Variants in CFAP47 observed in about 807,000 individuals in gnomAD.
CFAP47 encodes the protein cilia and flagella associated protein 47.
In CFAP47, 29 loss-of-function variants were observed where a neutral mutation model predicts 148.1. That is an observed-to-expected ratio of 0.20 (90% CI 0.15 to 0.27). The LOEUF (loss-of-function observed/expected upper bound fraction) is 0.27. CFAP47 is among the 10% of genes least tolerant of loss of function. CFAP47 has a pLI of 1.00. For missense variants in CFAP47, 1,872 were observed against 1,697.5 expected, an observed-to-expected ratio of 1.10 and a Z score of -1.81; for synonymous variants, 664 against 577.3, an observed-to-expected ratio of 1.15 and a Z score of -2.15.
intron 26 of CFAP47, among the ~76,000 whole-genome samples, chrX:36,059,031 T>A (rs1425043965): frequency 1.8e-5 from 2 of 112,350 alleles, no homozygotes; most frequent in African/African-American, 6.4e-5. Context: ...GGGAAAATAA[T>A]TTTAACAAGT....
At chrX:36,099,641 A>T in intron 31 of CFAP47, 110 bp from the exon 32 acceptor site, 1 of 402,182 alleles carries the variant, frequency 2.5e-6, no homozygotes. Flanking sequence ...TGCAAATTAG[A>T]GCTCTTGATT....
intron 57 of CFAP47, among the ~76,000 whole-genome samples, chrX:36,347,028 C>T (rs1384652314): frequency 8.9e-6 from 1 of 111,895 alleles, no homozygotes; most frequent in African/African-American, 3.2e-5. Context: ...AAAATGTTTG[C>T]AATCTATCCA....
At chrX:36,090,183 G>A (rs1938159989) in intron 30 of CFAP47, among the ~76,000 whole-genome samples, 1 of 111,964 alleles carries the variant, frequency 8.9e-6, no homozygotes, top group Admixed American at 9.5e-5. Context: ...AAAGCACATA[G>A]CTTTTAATTT....
chrX:36,078,275 G>A (rs952561182), intron 29 of CFAP47, among the ~76,000 whole-genome samples: 3 of 110,671 alleles, frequency 2.7e-5, no homozygotes, highest in East Asian at 2.9e-4. Context: ...CTTCGGTCTC[G>A]TAGATCTGTC....
At chrX:36,130,722 C>T (rs1938932650) in intron 33 of CFAP47, among the ~76,000 whole-genome samples, 1 of 110,991 alleles carries the variant, frequency 9.0e-6, no homozygotes, top group African/African-American at 3.3e-5. Context: ...GGTACATACA[C>T]ACAATGGGGT....
At chrX:36,142,176 G>T (rs1229571889) in intron 35 of CFAP47, among the ~76,000 whole-genome samples, 2 of 111,484 alleles carry the variant, frequency 1.8e-5, no homozygotes, top group East Asian at 5.6e-4. Flanking sequence ...TTGAAAGTTA[G>T]TGATACCTTA....
chrX:36,234,269 G>C (rs1940418627), intron 46 of CFAP47, among the ~76,000 whole-genome samples: 1 of 110,237 alleles, frequency 9.1e-6, no homozygotes, highest in East Asian at 2.9e-4. Context: ...ATGTAGATTT[G>C]GTCTTTTCAC....
At chrX:36,325,217 T>C (rs782215445) in intron 57 of CFAP47, among the ~76,000 whole-genome samples, 8 of 111,944 alleles carry the variant, frequency 7.1e-5, no homozygotes, top group Non-Finnish European at 1.5e-4. Context: ...ATATACAATG[T>C]GCCAGGAGCT....
In CFAP47 at chrX:35,956,021, A is replaced by G. The variant is rs1331528362; in HGVS notation, c.1235A>G (p.Gln412Arg). 8.3e-7 allele frequency: 1 copy of G among 1,211,978 alleles called. No homozygotes were observed. Among genetic ancestry groups the G allele is most frequent in the East Asian group, 3.0e-5 (1 of 33,809 alleles). The change falls in exon 8 of 64, where the codon CAG becomes CGG. Residue 412 changes from glutamine to arginine, a missense_variant. Physicochemically the swap from Gln to Arg is conservative, Grantham distance 43. Transcript: ENST00000378653. ...GGCACAGGACTTCCTGTTTTACTAC[A>G]GTTTGATCCAGGACCAGTTCTTAAT... ...LTGTGLPVLL[Q>R]FDPGPVLNFK...
At chrX:35,932,264 C>CT (rs546795196) in intron 2 of CFAP47, among the ~76,000 whole-genome samples, 1,589 of 91,909 alleles carry the variant, frequency 0.017, 46 homozygotes, top group Admixed American at 0.078. Flanking sequence ...TTCTTTCTTT[C>CT]TTTTTTTTTT....
intron 45 of CFAP47, chrX:36,211,647 T>C (rs1940102084): frequency 4.9e-6 from 1 of 204,021 alleles, no homozygotes; most frequent in South Asian, 7.0e-5. Context: ...GTTGTAAAGG[T>C]TGAAAACAGT....
intron 49 of CFAP47, among the ~76,000 whole-genome samples, chrX:36,279,080 C>A (rs927339579): frequency 6.3e-5 from 7 of 111,903 alleles, no homozygotes; most frequent in African/African-American, 2.3e-4. Context: ...TTAGGCATTT[C>A]TTTCTTTTAG....
intron 27 of CFAP47, among the ~76,000 whole-genome samples, chrX:36,071,403 G>T (rs747584651): frequency 4.8e-4 from 54 of 112,369 alleles, no homozygotes; most frequent in Middle Eastern, 4.7e-3. Flanking sequence ...TGTTATTACA[G>T]AGAGTTAACT....
chrX:36,053,439 G>T (rs1017437479), intron 26 of CFAP47, among the ~76,000 whole-genome samples: 1 of 111,577 alleles, frequency 9.0e-6, no homozygotes, highest in African/African-American at 3.3e-5. Context: ...AACATTATTT[G>T]TCATGGTTTG....
intron 46 of CFAP47, among the ~76,000 whole-genome samples, 185 bp from the exon 47 acceptor site, chrX:36,235,749 T>A (rs782223063): frequency 8.9e-6 from 1 of 112,719 alleles, no homozygotes; most frequent in African/African-American, 3.2e-5. Context: ...CTGTTCCTAT[T>A]CGGCCATCTT....
intron 51 of CFAP47, among the ~76,000 whole-genome samples, chrX:36,297,030 A>G (rs7878885): frequency 0.043 from 4,848 of 111,800 alleles, 257 homozygotes; most frequent in African/African-American, 0.15. Flanking sequence ...AGAATTCATA[A>G]TTCTAATGTC....
chrX:36,085,216 A>G (rs1938058259), intron 29 of CFAP47, 98 bp from the exon 30 acceptor site: 5 of 513,849 alleles, frequency 9.7e-6, no homozygotes, highest in Non-Finnish European at 1.6e-5. Flanking sequence ...AGTTGATTTT[A>G]ATAGAGTTTC....
Position 36,236,045 on chromosome X carries a change from A to G in CFAP47, c.7126A>G (p.Thr2376Ala). The G allele has an allele frequency of 2.0e-6, 1 of 509,128 alleles. No homozygotes were observed. The highest frequency in any genetic ancestry group is 3.6e-6 in the Non-Finnish European group (1 of 280,747). The allele number at this position is 509,128 out of a possible 1,213,427, so 42.0% of individuals were successfully genotyped here. ...GPDEIVEYPL[T>A]FKPIFECVIT... is the part of the protein sequence containing the mutation. ...AGATGAAATTGTGGAGTATCCTCTCACATTCAAACCTATTTTTGAATGTGT... is the reference window on the plus strand; with the variant it reads ...AGATGAAATTGTGGAGTATCCTCTCGCATTCAAACCTATTTTTGAATGTGT... Residue 2376 changes from threonine to alanine, a missense_variant, in exon 47 of 64, where the codon ACA becomes GCA. Thr to Ala is a moderately conservative substitution (Grantham distance 58). Coordinates refer to ENST00000378653, the MANE Select transcript of CFAP47 (RefSeq NM_001304548.2).
chrX:36,302,847 G>A (rs1489118872), intron 53 of CFAP47, among the ~76,000 whole-genome samples: 1 of 111,788 alleles, frequency 8.9e-6, no homozygotes, highest in African/African-American at 3.2e-5. Context: ...GCTGGATTTA[G>A]CATTATAAAA....
Sources: gnomAD v4.1 joint callset for allele counts (sites outside exome capture counted in the v4.1 genomes callset) on GRCh38, gnomAD v4.1.1 for gene constraint, MANE v1.5 for transcripts, NCBI Gene and HGNC (gene_info 2026-07-23, HGNC 2026-07-21) for gene names.